The following EPHA3 variants were observed in gnomAD, a reference collection of about 807,000 sequenced individuals.
EPHA3 encodes ephrin type-A receptor 3.
In EPHA3, 42 loss-of-function variants were observed where a neutral mutation model predicts 107.1. The observed-to-expected ratio is 0.39, with a 90% CI of 0.31 to 0.51. The LOEUF is 0.51. Among genes scored for constraint, EPHA3 ranks in the 20% least tolerant of loss-of-function variants. The probability of loss-of-function intolerance (pLI) is 0.78; values close to 1 mark genes in which losing one functional copy is unlikely to be tolerated. For missense variants in EPHA3, 1,183 were observed against 1,211.2 expected (o/e 0.98, Z 0.35); for synonymous variants, 461 against 424.8 (o/e 1.09, Z -1.05).
At chr3:89,158,545 A>C (rs1285696562) in intron 2 of EPHA3, among the ~76,000 whole-genome samples, 1 of 152,172 alleles carries the variant, frequency 6.6e-6, no homozygotes. Context: ...GATGTTAAGC[A>C]AGATAAAATA....
At chr3:89,458,409 G>A (rs1710143506) in intron 15 of EPHA3, among the ~76,000 whole-genome samples, 3 of 152,092 alleles carry the variant, frequency 2.0e-5, no homozygotes, top group African/African-American at 7.2e-5. Flanking sequence ...CACAGTGCAA[G>A]GCATTTCCAA....
intron 9 of EPHA3, among the ~76,000 whole-genome samples, chr3:89,411,629 A>T (rs1213754632): frequency 6.6e-6 from 1 of 151,886 alleles, no homozygotes; most frequent in Non-Finnish European, 1.5e-5. Context: ...GCTTCACAAG[A>T]ACATAAATCG....
At chr3:89,390,038 C>T (rs879563354) in intron 5 of EPHA3, among the ~76,000 whole-genome samples, 7 of 152,058 alleles carry the variant, frequency 4.6e-5, no homozygotes, top group Non-Finnish European at 1.0e-4. Context: ...GTCGCCCTGA[C>T]TGAAGTGTGG....
At chr3:89,346,597 T>G (rs1050224652) in intron 5 of EPHA3, among the ~76,000 whole-genome samples, 2 of 150,582 alleles carry the variant, frequency 1.3e-5, no homozygotes, top group Admixed American at 1.3e-4. Context: ...TAGTTTCTTT[T>G]GCTGTGCAGA....
intron 2 of EPHA3, among the ~76,000 whole-genome samples, chr3:89,187,030 A>T (rs1705583134): frequency 6.6e-6 from 1 of 151,914 alleles, no homozygotes; most frequent in Non-Finnish European, 1.5e-5. Flanking sequence ...TTTAATTATA[A>T]AAGTGTATTG....
chr3:89,141,881 T>G (rs1003878485), intron 2 of EPHA3, among the ~76,000 whole-genome samples: 1 of 151,390 alleles, frequency 6.6e-6, no homozygotes, highest in African/African-American at 2.4e-5. Flanking sequence ...GGCCCCTATA[T>G]TATAAATAAT....
intron 3 of EPHA3, among the ~76,000 whole-genome samples, chr3:89,301,445 A>C (rs1338660709): frequency 6.6e-6 from 1 of 152,096 alleles, no homozygotes; most frequent in African/African-American, 2.4e-5. Context: ...AGACTAGTAC[A>C]TTACTAGACA....
intron 13 of EPHA3, among the ~76,000 whole-genome samples, chr3:89,436,628 G>T (rs1482204578): frequency 6.6e-6 from 1 of 152,138 alleles, no homozygotes; most frequent in East Asian, 1.9e-4. Context: ...CAGAATAGAG[G>T]AATGTATAGA....
chr3:89,185,870 T>C (rs1467016792), intron 2 of EPHA3, among the ~76,000 whole-genome samples: 1 of 152,130 alleles, frequency 6.6e-6, no homozygotes. Context: ...AGTGGAATGT[T>C]GTCTTTTGAA....
intron 1 of EPHA3, among the ~76,000 whole-genome samples, chr3:89,121,655 G>A (rs1576163907): frequency 6.6e-6 from 1 of 152,074 alleles, no homozygotes; most frequent in East Asian, 1.9e-4. Flanking sequence ...TACTCAGGAG[G>A]CCGAGGCAGG....
At chr3:89,265,599 T>G (rs577515383) in intron 3 of EPHA3, among the ~76,000 whole-genome samples, 1 of 152,320 alleles carries the variant, frequency 6.6e-6, no homozygotes, top group South Asian at 2.1e-4. Context: ...CAATGCCTTC[T>G]TTCAAATAAA....
At chr3:89,332,580 C>T (rs1416924974) in intron 3 of EPHA3, among the ~76,000 whole-genome samples, 8 of 152,212 alleles carry the variant, frequency 5.3e-5, no homozygotes, top group Non-Finnish European at 1.2e-4. Flanking sequence ...CTTGCCTCAA[C>T]GCATTGTACC....
chr3:89,396,871 G>T (rs1576357068), intron 6 of EPHA3, among the ~76,000 whole-genome samples: 2 of 152,262 alleles, frequency 1.3e-5, no homozygotes, highest in African/African-American at 4.8e-5. Context: ...CCTTATGGAA[G>T]TAGCAAAGTA....
intron 2 of EPHA3, among the ~76,000 whole-genome samples, chr3:89,165,676 A>G (rs1705045456): frequency 6.6e-6 from 1 of 152,174 alleles, no homozygotes; most frequent in Non-Finnish European, 1.5e-5. Flanking sequence ...TGAATCCTTG[A>G]TCCAAATATC....
intron 1 of EPHA3, among the ~76,000 whole-genome samples, 156 bp from the exon 2 acceptor site, chr3:89,127,053 T>C (rs925974749): frequency 2.0e-5 from 3 of 151,928 alleles, no homozygotes; most frequent in African/African-American, 7.2e-5. Flanking sequence ...GTATTTTTTG[T>C]AATTTCCTTC....
rs141805620 is a variant in EPHA3 at position 89,366,104 on chromosome 3, C to T, written c.1306+24014C>T. Among the ~76,000 whole-genome samples, 2 of 150,550 alleles carry T rather than the reference C, an allele frequency of 1.3e-5. 1 individual carries two copies. The highest frequency in any genetic ancestry group is 3.0e-5 in the Non-Finnish European group (2 of 67,222). ...AAACCTGGGGAAATGAGGGAGATGA[C>T]CTTTCAGAGATTAAAACCAGAATAA... On this transcript the variant is annotated intron_variant, in intron 5 of 16. Coordinates refer to ENST00000336596, the MANE Select transcript of EPHA3 (RefSeq NM_005233.6).
chr3:89,268,767 C>T (rs11128072), intron 3 of EPHA3, among the ~76,000 whole-genome samples: 76,351 of 151,676 alleles, frequency 0.5, 20,316 homozygotes, highest in African/African-American at 0.68. Flanking sequence ...ACAATGTTCT[C>T]TGAGGAAAGT....
chr3:89,368,196 T>A (rs1160906416), intron 5 of EPHA3, among the ~76,000 whole-genome samples: 2 of 150,370 alleles, frequency 1.3e-5, no homozygotes, highest in African/African-American at 2.4e-5. Flanking sequence ...TGGGGTTTTT[T>A]AAAAAAATTA....
intron 2 of EPHA3, among the ~76,000 whole-genome samples, chr3:89,135,509 T>C (rs1337578165): frequency 6.6e-6 from 1 of 152,104 alleles, no homozygotes; most frequent in Non-Finnish European, 1.5e-5. Context: ...CTAACAACGA[T>C]TTTTGTTTTG....
Sources: gnomAD v4.1 joint callset for allele counts (sites outside exome capture counted in the v4.1 genomes callset) on GRCh38, gnomAD v4.1.1 for gene constraint, MANE v1.5 for transcripts, NCBI Gene and HGNC (gene_info 2026-07-23, HGNC 2026-07-21) for gene names.